The following CCK variants were observed in gnomAD, a reference collection of about 807,000 sequenced individuals.
The protein encoded by CCK is cholecystokinin.
In CCK, 11 loss-of-function variants were observed where a neutral mutation model predicts 10.1. The observed-to-expected ratio is 1.09, with a 90% CI of 0.69 to 1.81. The LOEUF is 1.81. Ranked by LOEUF, CCK falls within the 40% of genes most tolerant of loss-of-function variation. CCK has a pLI of 0.00. For missense variants in CCK, 137 were observed against 159.9 expected, an observed-to-expected ratio of 0.86 and a Z score of 0.77; for synonymous variants, 83 against 71.9, an observed-to-expected ratio of 1.15 and a Z score of -0.78.
chr3:42,260,709 G>T (rs928459235), intron 4 of CCK, among the ~76,000 whole-genome samples: 2 of 152,174 alleles, frequency 1.3e-5, no homozygotes, highest in Admixed American at 6.5e-5. Context: ...AGCTAGCCTC[G>T]GGACTGTCTG....
chr3:42,263,736 C>A, intron 3 of CCK, 104 bp from the exon 4 acceptor site: 2 of 1,428,642 alleles, frequency 1.4e-6, no homozygotes, highest in Non-Finnish European at 1.8e-6. Flanking sequence ...AACACAGGTG[C>A]TCCAGACCCG....
chr3:42,263,189 C>T lies in CCK; in HGVS notation c.214+228G>A, dbSNP rs922977902. On this transcript the variant is annotated intron_variant, in intron 4 of 4. Transcript: ENST00000396169. Reference sequence around the variant, plus strand: ...AAATGGTGTTGAACTTAATCAGCAACACTGCTAAAAATTAGTTCAAAGAAA... The same window carrying T: ...AAATGGTGTTGAACTTAATCAGCAATACTGCTAAAAATTAGTTCAAAGAAA... 9.2e-6 allele frequency: 6 copies of T among 655,274 alleles called. No homozygotes were observed. The African/African-American group carries it at 1.1e-4, about 12-fold the overall frequency. 40.6% of individuals were successfully genotyped at this position (655,274 alleles called of 1,614,324 possible). A position where few individuals can be genotyped will look rare whatever the true frequency, so the allele number is the denominator to read the frequency against.
At chr3:42,260,524 C>G (rs1473656358) in intron 4 of CCK, among the ~76,000 whole-genome samples, 4 of 152,242 alleles carry the variant, frequency 2.6e-5, no homozygotes, top group Non-Finnish European at 4.4e-5. Flanking sequence ...ACGTACAGTT[C>G]TGTCCTCATG....
At chr3:42,263,657 GCGTT>G (rs1297239590) in intron 3 of CCK, 25 bp from the exon 4 acceptor site, 1 of 1,501,696 alleles carries the variant, frequency 6.7e-7, no homozygotes, top group Non-Finnish European at 8.9e-7. Context: ...GGAGGAGGGC[GCGTT>G]AACTGAAAGG....
chr3:42,261,226 A>G (rs1711205798), intron 4 of CCK, among the ~76,000 whole-genome samples: 1 of 152,204 alleles, frequency 6.6e-6, no homozygotes, highest in Admixed American at 6.5e-5. Context: ...TGTCTTGTTT[A>G]GAACTTTTAA....
chr3:42,257,879 A>G lies in CCK; in HGVS notation c.*219T>C. The G allele has an allele frequency of 2.0e-6, 1 of 509,618 alleles. No individual in the cohort carries two copies. Among genetic ancestry groups the G allele is most frequent in the African/African-American group, 1.9e-5 (1 of 52,018 alleles). The allele number at this position is 509,618 out of a possible 1,614,324, so 31.6% of individuals were successfully genotyped here. A position where few individuals can be genotyped will look rare whatever the true frequency, so the allele number is the denominator to read the frequency against. ...AACATTTTCAGACCAGGAGTCACAG[A>G]TGAAGAAAACATTTTGTCTTCCATT... On this transcript the variant is annotated 3_prime_UTR_variant, in exon 5 of 5. Transcript: ENST00000396169.
At chr3:42,260,508 C>T (rs1019422036) in intron 4 of CCK, among the ~76,000 whole-genome samples, 7 of 152,188 alleles carry the variant, frequency 4.6e-5, no homozygotes, top group South Asian at 2.1e-4. Flanking sequence ...CTGACTTCCC[C>T]GTTCCACGTA....
At position 42,265,249 on chromosome 3, in the gene CCK, C is replaced by G. The variant is rs943479225; in HGVS notation, c.-214+20G>C. The G allele has an allele frequency of 2.6e-5, 4 of 152,372 alleles. No homozygotes were observed. Among genetic ancestry groups the G allele is most frequent in the African/African-American group, 7.2e-5 (3 of 41,432 alleles). 9.4% of individuals were successfully genotyped at this position (152,372 alleles called of 1,614,324 possible). ...CGTCGGCCCCCTACCCCGGAGCGTC[C>G]GAGGCGCTGGTCTTCATACCTGTGT... On this transcript the variant is annotated intron_variant, in intron 2 of 4. Coordinates refer to ENST00000396169, the MANE Select transcript of CCK (RefSeq NM_000729.6).
At chr3:42,258,289 C>A in intron 4 of CCK, 58 bp from the exon 5 acceptor site, 2 of 1,578,200 alleles carry the variant, frequency 1.3e-6, no homozygotes, top group South Asian at 2.3e-5. Context: ...ATCTCTAGTT[C>A]AATTTGGGAA....
At chr3:42,262,377 T>C (rs146268706) in intron 4 of CCK, among the ~76,000 whole-genome samples, 529 of 152,166 alleles carry the variant, frequency 3.5e-3, no homozygotes, top group Non-Finnish European at 5.8e-3. Context: ...TGTGCCACCA[T>C]GCCCAGCTAA....
intron 4 of CCK, among the ~76,000 whole-genome samples, chr3:42,259,865 C>T (rs547921537): frequency 2.0e-5 from 3 of 152,170 alleles, no homozygotes; most frequent in Non-Finnish European, 2.9e-5. Context: ...GGACAAAGCC[C>T]AGGCCAAATC....
chr3:42,259,079 A>C (rs1032871749), intron 4 of CCK, among the ~76,000 whole-genome samples: 1 of 152,176 alleles, frequency 6.6e-6, no homozygotes, highest in Non-Finnish European at 1.5e-5. Flanking sequence ...GGAAACCATC[A>C]TTCTCAGCAA....
At chr3:42,264,149 C>T (rs2149571901) in intron 3 of CCK, among the ~76,000 whole-genome samples, 1 of 67,594 alleles carries the variant, frequency 1.5e-5, no homozygotes, top group South Asian at 6.4e-4. Context: ...TAAATAAAGC[C>T]GTATTTATAA....
At position 42,263,432 on chromosome 3, in the gene CCK, G is replaced by A. The variant is rs1711243406; in HGVS notation, c.199C>T (p.Gln67Ter). ...GCATTCTTACCTTTCCGGGCCTGCT[G>A]GATGTATCTTGCCAGCAGGGCGCCC... ...HLGALLARYI[Q>*]QARKAPSGRM... Residue 67 changes from glutamine to a stop codon, truncating the protein, a stop_gained, in exon 4 of 5, where the codon CAG becomes TAG. Coordinates refer to ENST00000396169, the MANE Select transcript of CCK (RefSeq NM_000729.6). LOFTEE classifies it high-confidence loss of function. 6.2e-7 allele frequency: 1 copy of A among 1,614,072 alleles called. No individual in the cohort carries two copies. The highest frequency in any genetic ancestry group is 1.3e-5 in the African/African-American group (1 of 74,928).
chr3:42,260,342 C>A (rs1456132327), intron 4 of CCK, among the ~76,000 whole-genome samples: 5 of 152,212 alleles, frequency 3.3e-5, no homozygotes, highest in African/African-American at 1.2e-4. Context: ...ACCCATCCTT[C>A]TGCCTGCTGT....
chr3:42,258,237 A>G lies in CCK; in HGVS notation c.215-6T>C. Reference sequence around the variant, plus strand: ...GGACATTCGTCCAGAAGGAGCTACAAGGAGCAGGGAGGAAGGAAACAGGGA... The same window carrying G: ...GGACATTCGTCCAGAAGGAGCTACAGGGAGCAGGGAGGAAGGAAACAGGGA... On this transcript the variant is annotated splice_polypyrimidine_tract_variant and splice_region_variant and intron_variant, in intron 4 of 4. Transcript: ENST00000396169. 6.2e-7 allele frequency: 1 copy of G among 1,610,160 alleles called. No individual in the cohort carries two copies. The highest frequency in any genetic ancestry group is 8.5e-7 in the Non-Finnish European group (1 of 1,178,980).
intron 4 of CCK, among the ~76,000 whole-genome samples, chr3:42,262,501 T>C (rs1193374473): frequency 6.6e-6 from 1 of 152,208 alleles, no homozygotes; most frequent in Non-Finnish European, 1.5e-5. Context: ...ATTACAGGTG[T>C]GAGCCACTGC....
intron 4 of CCK, 42 bp downstream of exon 4, chr3:42,263,375 G>T: frequency 6.2e-7 from 1 of 1,613,972 alleles, no homozygotes; most frequent in Non-Finnish European, 8.5e-7. Context: ...GGGAGCCTGG[G>T]AACAAGGGCA....
chr3:42,263,970 A>G (rs1711253589), intron 3 of CCK: 1 of 271,376 alleles, frequency 3.7e-6, no homozygotes. Flanking sequence ...GAAGAAAAAT[A>G]AAACCCCACG....
Sources: gnomAD v4.1 joint callset for allele counts (sites outside exome capture counted in the v4.1 genomes callset) on GRCh38, gnomAD v4.1.1 for gene constraint, MANE v1.5 for transcripts, NCBI Gene and HGNC (gene_info 2026-07-23, HGNC 2026-07-21) for gene names.